CNOT8: variants seen among roughly 807,000 people sequenced by gnomAD.
The protein encoded by CNOT8 is CCR4-NOT transcription complex subunit 8, also known as CAF1-like protein.
A neutral mutation model predicts 34.6 loss-of-function variants in CNOT8; 18 were observed. The observed-to-expected ratio is 0.52, with a 90% CI of 0.36 to 0.77. The LOEUF is 0.77. CNOT8 is among the 30% of genes least tolerant of loss of function. The pLI, the probability that CNOT8 is intolerant of heterozygous loss-of-function variation, is 0.00. For missense variants in CNOT8, 189 were observed against 347.9 expected (o/e 0.54, Z 3.63); for synonymous variants, 101 against 118.8 (o/e 0.85, Z 0.98).
rs371364378 is a variant in CNOT8, at chr5:154,865,335, G to A, written c.261G>A (p.Glu87=). The change falls in exon 3 of 7, where the codon GAG becomes GAA. Residue 87 remains glutamate (E), a synonymous_variant. Coordinates refer to ENST00000285896, the MANE Select transcript of CNOT8 (RefSeq NM_001301073.2). ...LGLTFTNEKG[E]YPSGINTWQF... is the part of the protein sequence containing the mutation. ...TTACATTCACAAATGAGAAGGGAGAGTATCCTTCTGGAATCAATACTTGGC... is the reference window on the plus strand; with the variant it reads ...TTACATTCACAAATGAGAAGGGAGAATATCCTTCTGGAATCAATACTTGGC... The A allele has an allele frequency of 1.6e-4, 251 of 1,609,812 alleles. No individual in the cohort carries two copies. Among genetic ancestry groups the A allele is most frequent in the Non-Finnish European group, 2.1e-4 (245 of 1,178,880 alleles).
chr5:154,866,905 T>G (rs1388365178), intron 3 of CNOT8, among the ~76,000 whole-genome samples: 2 of 152,032 alleles, frequency 1.3e-5, no homozygotes, highest in African/African-American at 4.8e-5. Flanking sequence ...AGAATGAGAC[T>G]CTGCCTCAAG....
intron 1 of CNOT8, among the ~76,000 whole-genome samples, chr5:154,860,311 T>C (rs1761206192): frequency 6.6e-6 from 1 of 152,084 alleles, no homozygotes; most frequent in Non-Finnish European, 1.5e-5. Flanking sequence ...ATGATGATGA[T>C]GATTTTTTTG....
intron 3 of CNOT8, among the ~76,000 whole-genome samples, chr5:154,867,263 G>A (rs1582596497): frequency 6.6e-6 from 1 of 152,328 alleles, no homozygotes; most frequent in Middle Eastern, 3.4e-3. Flanking sequence ...GGTCTGTGAT[G>A]TAGAGATGTA....
At position 154,863,241 on chromosome 5, in the gene CNOT8, AC is replaced by A; in HGVS notation, c.-37del. Reference sequence around the variant, plus strand: ...AACATTGTCTGGCTTGCACTGTAAAACTAGTTAGCTGAAGACGACTTCTCAG... The same window carrying A: ...AACATTGTCTGGCTTGCACTGTAAAATAGTTAGCTGAAGACGACTTCTCAG... On this transcript the variant is annotated 5_prime_UTR_variant, in exon 2 of 7. Coordinates refer to ENST00000285896, the MANE Select transcript of CNOT8 (RefSeq NM_001301073.2). 6.9e-7 allele frequency: 1 copy of A among 1,452,798 alleles called. No homozygotes were observed. The highest frequency in any genetic ancestry group is 1.7e-4 in the Middle Eastern group (1 of 5,782). 90.0% of individuals were successfully genotyped at this position (1,452,798 alleles called of 1,614,324 possible). A position where few individuals can be genotyped will look rare whatever the true frequency, so the allele number is the denominator to read the frequency against.
rs1762600003 is a variant in CNOT8, at chr5:154,872,770, TATTA to T, written c.729+120_729+123del. The T allele has an allele frequency of 4.2e-5, 17 of 407,536 alleles. No individual in the cohort carries two copies. In the South Asian group the frequency reaches 1.5e-3, roughly 35 times the overall value. The allele number at this position is 407,536 out of a possible 1,614,324, so 25.2% of individuals were successfully genotyped here. A position where few individuals can be genotyped will look rare whatever the true frequency, so the allele number is the denominator to read the frequency against. On this transcript the variant is annotated intron_variant, in intron 6 of 6. Transcript: ENST00000285896. The stretch of plus-strand genomic sequence containing the variant: ...GTTGAACATTTATTTTTTATTTATT[TATTA>T]TTTATTTTTTTTGAGATGAAGCCTT...
intron 1 of CNOT8, among the ~76,000 whole-genome samples, chr5:154,861,759 C>T (rs1372149777): frequency 1.3e-5 from 2 of 152,124 alleles, no homozygotes; most frequent in African/African-American, 4.8e-5. Context: ...AGTGCGGTGG[C>T]GCGATCTTGG....
intron 3 of CNOT8, among the ~76,000 whole-genome samples, chr5:154,866,776 G>A (rs1761926937): frequency 6.6e-6 from 1 of 152,120 alleles, no homozygotes; most frequent in Non-Finnish European, 1.5e-5. Context: ...AGCTGGGTAT[G>A]CTGGCAGGTG....
chr5:154,871,896 A>C, intron 5 of CNOT8, 22 bp downstream of exon 5: 2 of 1,593,888 alleles, frequency 1.3e-6, no homozygotes, highest in Non-Finnish European at 1.7e-6. Context: ...TTTTCTTAAT[A>C]CCAGTAACAA....
At chr5:154,870,304 G>GA (rs1317723686) in intron 3 of CNOT8, 1 of 160,180 alleles carries the variant, frequency 6.2e-6, no homozygotes, top group Non-Finnish European at 1.3e-5. Flanking sequence ...GGCTGGTCTG[G>GA]AACTCCTGGT....
In CNOT8 at chr5:154,876,186, C is replaced by G. The variant is rs1762912416; in HGVS notation, c.*747C>G. The G allele has an allele frequency of 6.6e-6, 1 of 152,212 alleles. No homozygotes were observed. Among genetic ancestry groups the G allele is most frequent in the Non-Finnish European group, 1.5e-5 (1 of 68,046 alleles). 9.4% of individuals were successfully genotyped at this position (152,212 alleles called of 1,614,324 possible). A position where few individuals can be genotyped will look rare whatever the true frequency, so the allele number is the denominator to read the frequency against. On this transcript the variant is annotated 3_prime_UTR_variant, in exon 7 of 7. Coordinates refer to ENST00000285896, the MANE Select transcript of CNOT8 (RefSeq NM_001301073.2). The stretch of plus-strand genomic sequence containing the variant: ...AGGTTTGCTGTCACATATGCATCAT[C>G]TGAAATCATTTGAAATTTTTGTACA...
rs1762581553 is a variant in CNOT8 at position 154,872,565 on chromosome 5, C to G, written c.643C>G (p.Gln215Glu). 1 of 1,612,098 alleles carries G rather than the reference C, an allele frequency of 6.2e-7. No homozygotes were observed. The highest frequency in any genetic ancestry group is 1.3e-5 in the African/African-American group (1 of 74,812). ...GGGAGGTCTTCAGGAAGTTGCTGAT[C>G]AGTTGGATTTGCAGAGGATTGGAAG... is the stretch of plus-strand genomic sequence containing the variant. Reference protein sequence around the residue: ...LKGGLQEVADQLDLQRIGRQH... With the variant: ...LKGGLQEVADELDLQRIGRQH... Residue 215 changes from glutamine to glutamate, a missense_variant, in exon 6 of 7, where the codon CAG becomes GAG. Around this residue, in one of 2 missense-constraint regions of CNOT8, gnomAD observed 160 missense variants for 321.9 expected, o/e 0.50. Transcript: ENST00000285896.
At position 154,876,025 on chromosome 5, in the gene CNOT8, T is replaced by C. The variant is rs1267350965; in HGVS notation, c.*586T>C. 1.3e-5 allele frequency: 2 copies of C among 152,392 alleles called. No homozygotes were observed. The highest frequency in any genetic ancestry group is 4.8e-5 in the African/African-American group (2 of 41,460). The allele number at this position is 152,392 out of a possible 1,614,324, so 9.4% of individuals were successfully genotyped here. ...TATATGGAAATGAATTGCTCTGTGC[T>C]GAAATTTGAAGACCAGATAATGAAA... On this transcript the variant is annotated 3_prime_UTR_variant, in exon 7 of 7. Coordinates refer to ENST00000285896, the MANE Select transcript of CNOT8 (RefSeq NM_001301073.2).
At chr5:154,860,316 T>A (rs1443861942) in intron 1 of CNOT8, among the ~76,000 whole-genome samples, 2 of 151,022 alleles carry the variant, frequency 1.3e-5, no homozygotes, top group Non-Finnish European at 1.5e-5. Context: ...GATGATGATT[T>A]TTTTGAGACG....
chr5:154,872,389 A>C, intron 5 of CNOT8, 152 bp from the exon 6 acceptor site: 1 of 517,864 alleles, frequency 1.9e-6, no homozygotes. Context: ...AAAGGGAATA[A>C]AAGAGCTAAA....
chr5:154,862,417 C>A (rs980614109), intron 1 of CNOT8, among the ~76,000 whole-genome samples: 1 of 151,860 alleles, frequency 6.6e-6, no homozygotes, highest in Admixed American at 6.6e-5. Context: ...TTGCAGTGAG[C>A]CAAGAGTGCA....
At chr5:154,874,769 G>A (rs1431271813) in intron 6 of CNOT8, among the ~76,000 whole-genome samples, 2 of 150,990 alleles carry the variant, frequency 1.3e-5, no homozygotes, top group East Asian at 2.0e-4. Context: ...TCCTGACCTC[G>A]TAATCCACCT....
At chr5:154,875,082 C>T (rs1762824161) in intron 6 of CNOT8, among the ~76,000 whole-genome samples, 1 of 151,592 alleles carries the variant, frequency 6.6e-6, no homozygotes, top group Non-Finnish European at 1.5e-5. Context: ...ATGCCCGGCT[C>T]ATTTTTGTAC....
intron 3 of CNOT8, chr5:154,870,405 T>TA (rs895700503): frequency 6.8e-4 from 161 of 238,054 alleles, no homozygotes; most frequent in South Asian, 1.5e-3. Context: ...TTTTTTTTTT[T>TA]AAATAATGAG....
At chr5:154,870,161 A>G (rs1289624867) in intron 3 of CNOT8, among the ~76,000 whole-genome samples, 1 of 151,980 alleles carries the variant, frequency 6.6e-6, no homozygotes. Context: ...CTCTCACCTC[A>G]GCCTCCGGAG....
Sources: gnomAD v4.1 joint callset for allele counts (sites outside exome capture counted in the v4.1 genomes callset) on GRCh38, gnomAD v4.1.1 for gene constraint, gnomAD v4.1.1 regional missense constraint, MANE v1.5 for transcripts, NCBI Gene and HGNC (gene_info 2026-07-23, HGNC 2026-07-21) for gene names.